DLG1: variants seen among roughly 807,000 people sequenced by gnomAD.
DLG1 encodes disks large homolog 1.
Under a neutral mutation model 123.4 loss-of-function variants are expected in DLG1, and 42 were observed. The ratio of observed to expected loss-of-function variants is 0.34; its 90% CI spans 0.27 to 0.44. The LOEUF is 0.44. Among genes scored for constraint, DLG1 ranks in the 20% least tolerant of loss-of-function variants. DLG1 has a pLI of 1.00. For synonymous variants in DLG1, 317 were observed against 356.2 expected, an observed-to-expected ratio of 0.89 and a Z score of 1.24; for missense variants, 942 against 1,082.6, an observed-to-expected ratio of 0.87 and a Z score of 1.82.
At position 197,050,819 on chromosome 3, in the gene DLG1, TG is replaced by T. The variant is rs779585036; in HGVS notation, c.2575+757del. Among the ~76,000 whole-genome samples, 132 of 152,324 alleles carry T rather than the reference TG, an allele frequency of 8.7e-4. 1 individual carries two copies. The highest frequency in any genetic ancestry group is 1.5e-3 in the Admixed American group (23 of 15,300). On this transcript the variant is annotated intron_variant, in intron 24 of 24. Coordinates refer to ENST00000667157, the MANE Select transcript of DLG1 (RefSeq NM_001366207.1). ...CTACACACACAAAATGGTAACTGTG[TG>T]GTTAAAGACATGTTAATTTGATTGT...
At position 197,131,584 on chromosome 3, in the gene DLG1, C is replaced by CTTTTT. The variant is rs773487577; in HGVS notation, c.1021-918_1021-914dup. Reference sequence around the variant, plus strand: ...CAAATATAGTTTTATTTCTTCCTTTCTTTTTTTTTTTTTTTTTTTTTTTTT... The same window carrying CTTTTT: ...CAAATATAGTTTTATTTCTTCCTTTCTTTTTTTTTTTTTTTTTTTTTTTTTTTTTT... On this transcript the variant is annotated intron_variant, in intron 10 of 24. Transcript: ENST00000667157. Among the ~76,000 whole-genome samples the CTTTTT allele has an allele frequency of 1.7e-3, 115 of 65,770 alleles. 1 individual carries two copies. The highest frequency in any genetic ancestry group is 2.3e-3 in the Non-Finnish European group (78 of 33,954). 43.1% of individuals were successfully genotyped at this position (65,770 alleles called of 152,430 possible). A position where few individuals can be genotyped will look rare whatever the true frequency, so the allele number is the denominator to read the frequency against.
chr3:197,288,775 A>ATACATACATACATACATAC (rs1560172780), intron 3 of DLG1, among the ~76,000 whole-genome samples: 2 of 112,442 alleles, frequency 1.8e-5, no homozygotes, highest in African/African-American at 3.7e-5. Context: ...TACATACATA[A>ATACATACATACATACATAC]AATGGTAGAA....
intron 3 of DLG1, among the ~76,000 whole-genome samples, chr3:197,283,675 T>C (rs1015735489): frequency 6.6e-6 from 1 of 152,162 alleles, no homozygotes; most frequent in African/African-American, 2.4e-5. Flanking sequence ...CACCAACTTG[T>C]ATAATTTTGG....
intron 5 of DLG1, chr3:197,184,200 A>G: frequency 5.0e-6 from 4 of 797,016 alleles, no homozygotes; most frequent in Non-Finnish European, 6.2e-6. Context: ...TAAACACTGG[A>G]CTACCAAGAC....
chr3:197,132,062 CTT>C (rs779377151), intron 10 of DLG1, among the ~76,000 whole-genome samples: 46 of 152,032 alleles, frequency 3.0e-4, no homozygotes, highest in Non-Finnish European at 5.9e-4. Flanking sequence ...ATAATAGTCT[CTT>C]GTTTTCCCTC....
chr3:197,083,782 A>G (rs540739943), intron 16 of DLG1, among the ~76,000 whole-genome samples: 2 of 145,446 alleles, frequency 1.4e-5, no homozygotes, highest in East Asian at 2.0e-4. Flanking sequence ...ACATAGCTAG[A>G]ACCCATCTCC....
chr3:197,258,698 G>C (rs1364334666), intron 4 of DLG1, among the ~76,000 whole-genome samples: 1 of 152,118 alleles, frequency 6.6e-6, no homozygotes, highest in Non-Finnish European at 1.5e-5. Flanking sequence ...AGAAAAGGGA[G>C]AAAAGAACAA....
chr3:197,053,468 A>T (rs1729366707), intron 23 of DLG1, among the ~76,000 whole-genome samples: 1 of 151,476 alleles, frequency 6.6e-6, no homozygotes, highest in South Asian at 2.1e-4. Context: ...TGGCCTCCAG[A>T]GTTTCTGATA....
At chr3:197,264,732 C>T (rs1273879400) in intron 4 of DLG1, among the ~76,000 whole-genome samples, 1 of 152,034 alleles carries the variant, frequency 6.6e-6, no homozygotes, top group Admixed American at 6.6e-5. Flanking sequence ...TAGCCACGTT[C>T]CAGATTTTGA....
At chr3:197,271,787 G>A (rs778068770) in intron 4 of DLG1, among the ~76,000 whole-genome samples, 91 of 152,228 alleles carry the variant, frequency 6.0e-4, no homozygotes, top group Middle Eastern at 3.4e-3. Context: ...TACGAGATGC[G>A]TGCTGAAGTT....
At chr3:197,242,207 C>CA (rs1561638815) in intron 4 of DLG1, among the ~76,000 whole-genome samples, 2 of 151,722 alleles carry the variant, frequency 1.3e-5, no homozygotes, top group African/African-American at 4.9e-5. Context: ...AAGAAGGTCA[C>CA]TATATGATGA....
intron 11 of DLG1, among the ~76,000 whole-genome samples, chr3:197,129,386 A>C (rs905515117): frequency 1.3e-5 from 2 of 152,098 alleles, no homozygotes; most frequent in East Asian, 1.9e-4. Flanking sequence ...CACCTCTCTC[A>C]GCCTTTTCAG....
chr3:197,101,766 T>C (rs746764928), intron 14 of DLG1, among the ~76,000 whole-genome samples: 7 of 151,658 alleles, frequency 4.6e-5, no homozygotes, highest in Non-Finnish European at 8.8e-5. Flanking sequence ...GAGTATAGTA[T>C]TATATTTCCA....
chr3:197,246,981 C>G (rs1752035112), intron 4 of DLG1, among the ~76,000 whole-genome samples: 1 of 152,216 alleles, frequency 6.6e-6, no homozygotes, highest in South Asian at 2.1e-4. Context: ...GATGGACATT[C>G]ACTCAGCCCA....
At chr3:197,099,133 A>G (rs1243962093) in intron 14 of DLG1, among the ~76,000 whole-genome samples, 1 of 152,128 alleles carries the variant, frequency 6.6e-6, no homozygotes, top group Non-Finnish European at 1.5e-5. Flanking sequence ...TGGCACGATC[A>G]TGGCTCATAG....
intron 3 of DLG1, among the ~76,000 whole-genome samples, chr3:197,285,465 G>A (rs778390380): frequency 4.6e-5 from 7 of 151,908 alleles, no homozygotes; most frequent in Non-Finnish European, 8.8e-5. Flanking sequence ...GGGGAAAAGA[G>A]AATGAAAAGA....
intron 4 of DLG1, among the ~76,000 whole-genome samples, chr3:197,216,753 TAA>T (rs1734316781): frequency 1.3e-5 from 2 of 152,334 alleles, no homozygotes; most frequent in South Asian, 4.1e-4. Flanking sequence ...TTCTGAAATC[TAA>T]GTTTCCAGAC....
rs1180214409 is a variant in DLG1, at chr3:197,136,587, T to G, written c.975A>C (p.Ala325=). The stretch of plus-strand genomic sequence containing the variant: ...TCTGAAGTTTGCCATCCTTATGTGC[T>G]GCACCTCCTTCAATTATTTTGGTTA... ...IYVTKIIEGG[A]AHKDGKLQIG... is the part of the protein sequence containing the mutation. The change falls in exon 10 of 25, where the codon GCA becomes GCC. Residue 325 remains alanine (A), a synonymous_variant. Transcript: ENST00000667157. 1.2e-6 allele frequency: 2 copies of G among 1,613,500 alleles called. No homozygotes were observed. The highest frequency in any genetic ancestry group is 2.2e-5 in the South Asian group (2 of 91,040).
chr3:197,189,306 G>A (rs1717906115), intron 5 of DLG1, among the ~76,000 whole-genome samples: 1 of 152,128 alleles, frequency 6.6e-6, no homozygotes, highest in South Asian at 2.1e-4. Context: ...GCAATATTAT[G>A]TATCAAGTTT....
Sources: allele counts gnomAD v4.1 joint callset (sites outside exome capture counted in the v4.1 genomes callset), GRCh38; gene constraint gnomAD v4.1.1; transcripts MANE v1.5; gene names NCBI Gene and HGNC (gene_info 2026-07-23, HGNC 2026-07-21).